The following CRACR2A variants were observed in gnomAD, a reference collection of about 807,000 sequenced individuals.
The protein encoded by CRACR2A is calcium release activated channel regulator 2A, also known as EF-hand calcium-binding domain-containing protein 4B.
CRACR2A carries 79 observed loss-of-function variants against 90.5 expected under a neutral mutation model. That is an observed-to-expected ratio of 0.87 (90% CI 0.73 to 1.05). The LOEUF is 1.05. Ranked by LOEUF, CRACR2A falls within the 50% of genes least tolerant of loss-of-function variation. The pLI is 0.00. For missense variants in CRACR2A, 823 were observed against 897.2 expected, an observed-to-expected ratio of 0.92 and a Z score of 1.06; for synonymous variants, 338 against 356.7, an observed-to-expected ratio of 0.95 and a Z score of 0.59.
At chr12:3,749,706 G>T (rs1946676944) in intron 1 of CRACR2A, among the ~76,000 whole-genome samples, 3 of 152,052 alleles carry the variant, frequency 2.0e-5, no homozygotes, top group Admixed American at 6.6e-5. Flanking sequence ...CAGAGGAAAG[G>T]AAGCGATTTG....
At chr12:3,744,539 G>C (rs11612217) in intron 1 of CRACR2A, among the ~76,000 whole-genome samples, 12,560 of 152,228 alleles carry the variant, frequency 0.083, 642 homozygotes, top group Middle Eastern at 0.18. Flanking sequence ...CATCTGTGGT[G>C]CTCACTTTCC....
intron 3 of CRACR2A, 66 bp from the exon 4 acceptor site, chr12:3,697,101 G>A: frequency 6.8e-7 from 1 of 1,477,676 alleles, no homozygotes; most frequent in Non-Finnish European, 9.0e-7. Context: ...AAAAGAACAA[G>A]AGGGGATGAG....
At chr12:3,673,663 C>T in intron 6 of CRACR2A, 71 bp from the exon 7 acceptor site, 1 of 1,558,710 alleles carries the variant, frequency 6.4e-7, no homozygotes, top group Non-Finnish European at 8.7e-7. Flanking sequence ...GGTTCCCAGA[C>T]AGGAAACTGA....
intron 2 of CRACR2A, among the ~76,000 whole-genome samples, chr12:3,724,883 TC>T (rs1364495559): frequency 6.6e-6 from 1 of 152,202 alleles, no homozygotes; most frequent in East Asian, 1.9e-4. Flanking sequence ...TGAACTCGCT[TC>T]CTGGGCTGCT....
intron 11 of CRACR2A, among the ~76,000 whole-genome samples, chr12:3,647,288 C>T (rs1189533353): frequency 6.6e-6 from 1 of 151,658 alleles, no homozygotes; most frequent in Non-Finnish European, 1.5e-5. Flanking sequence ...CACCTCTCAG[C>T]TTTCATTAGC....
intron 8 of CRACR2A, 49 bp from the exon 9 acceptor site, chr12:3,656,455 G>A (rs375362417): frequency 9.5e-6 from 15 of 1,578,878 alleles, no homozygotes; most frequent in Admixed American, 8.4e-5. Flanking sequence ...TAGCACACCC[G>A]GGTTATAGAT....
At chr12:3,683,545 C>T (rs573314121) in intron 4 of CRACR2A, among the ~76,000 whole-genome samples, 77 of 152,320 alleles carry the variant, frequency 5.1e-4, no homozygotes, top group African/African-American at 1.8e-3. Flanking sequence ...ACTCTCAGCT[C>T]CTGCGTCACT....
At chr12:3,626,382 G>A (rs531388380) in intron 17 of CRACR2A, among the ~76,000 whole-genome samples, 84 of 152,360 alleles carry the variant, frequency 5.5e-4, no homozygotes, top group East Asian at 4.0e-3. Flanking sequence ...TTATAGCAAC[G>A]AAGATGCAGC....
chr12:3,717,993 C>T (rs1276595223), intron 2 of CRACR2A, among the ~76,000 whole-genome samples: 1 of 152,156 alleles, frequency 6.6e-6, no homozygotes, highest in Non-Finnish European at 1.5e-5. Flanking sequence ...TTTAGACAGC[C>T]CTGGGTTCAA....
At chr12:3,680,761 T>C (rs1463931402) in intron 4 of CRACR2A, among the ~76,000 whole-genome samples, 2 of 152,208 alleles carry the variant, frequency 1.3e-5, no homozygotes, top group Non-Finnish European at 2.9e-5. Context: ...CCAGCTCTGA[T>C]TCCAAAGCCA....
intron 4 of CRACR2A, among the ~76,000 whole-genome samples, chr12:3,680,880 C>T (rs1945434589): frequency 6.6e-6 from 1 of 152,200 alleles, no homozygotes; most frequent in African/African-American, 2.4e-5. Context: ...GAATGTAAAG[C>T]ATATAACAGT....
chr12:3,666,324 C>T (rs763899195), intron 7 of CRACR2A, among the ~76,000 whole-genome samples: 24 of 84,198 alleles, frequency 2.9e-4, no homozygotes, highest in African/African-American at 1.2e-3. Flanking sequence ...CCCTAAAGGA[C>T]GGCTGCGTGT....
intron 18 of CRACR2A, among the ~76,000 whole-genome samples, chr12:3,617,457 C>T (rs774041397): frequency 9.9e-5 from 15 of 152,162 alleles, no homozygotes; most frequent in Non-Finnish European, 1.9e-4. Context: ...CTTGTTCAGT[C>T]CCACATTGAG....
chr12:3,739,162 A>G (rs1052847685), intron 1 of CRACR2A, among the ~76,000 whole-genome samples: 3 of 152,240 alleles, frequency 2.0e-5, no homozygotes, highest in Non-Finnish European at 2.9e-5. Context: ...GAAATGAAAA[A>G]CAAAGAAGCT....
At chr12:3,739,882 C>T (rs1000736598) in intron 1 of CRACR2A, among the ~76,000 whole-genome samples, 9 of 150,062 alleles carry the variant, frequency 6.0e-5, no homozygotes, top group Non-Finnish European at 7.4e-5. Flanking sequence ...TGCAGTGAGC[C>T]GAGATCACGC....
At chr12:3,702,558 T>C (rs906608272) in intron 3 of CRACR2A, among the ~76,000 whole-genome samples, 4 of 152,156 alleles carry the variant, frequency 2.6e-5, no homozygotes, top group Admixed American at 1.3e-4. Flanking sequence ...TGTATAAAAA[T>C]ATGAGATATG....
intron 2 of CRACR2A, among the ~76,000 whole-genome samples, chr12:3,721,552 T>G (rs1364192162): frequency 7.1e-6 from 1 of 140,902 alleles, no homozygotes; most frequent in Non-Finnish European, 1.5e-5. Context: ...ACCACTGTAC[T>G]CCAGTCTGGG....
At chr12:3,642,499 G>C (rs1283292070) in intron 12 of CRACR2A, among the ~76,000 whole-genome samples, 2 of 152,180 alleles carry the variant, frequency 1.3e-5, no homozygotes, top group Non-Finnish European at 2.9e-5. Flanking sequence ...ACAGGAGTGA[G>C]CCACCACGCC....
intron 1 of CRACR2A, among the ~76,000 whole-genome samples, chr12:3,733,493 C>T (rs1946394084): frequency 6.6e-6 from 1 of 152,076 alleles, no homozygotes; most frequent in African/African-American, 2.4e-5. Flanking sequence ...TGAGAGGAGC[C>T]CTGCTAGGGG....
Sources: allele counts gnomAD v4.1 joint callset (sites outside exome capture counted in the v4.1 genomes callset), GRCh38; gene constraint gnomAD v4.1.1; transcripts MANE v1.5; gene names NCBI Gene and HGNC (gene_info 2026-07-23, HGNC 2026-07-21).